CNRIP1: variants seen among roughly 807,000 people sequenced by gnomAD.
CNRIP1 encodes CB1 cannabinoid receptor-interacting protein 1.
A neutral mutation model predicts 15.2 loss-of-function variants in CNRIP1; 10 were observed. The observed-to-expected ratio is 0.66, with a 90% confidence interval of 0.41 to 1.12. CNRIP1 has a LOEUF of 1.12. Among genes scored for constraint, CNRIP1 ranks in the 50% most tolerant of loss-of-function variants. The pLI is 0.00. For synonymous variants in CNRIP1, 91 were observed against 83.2 expected (o/e 1.09, Z -0.51); for missense variants, 211 against 214.7 (o/e 0.98, Z 0.11).
chr2:68,306,337 A>G (rs62143880), intron 2 of CNRIP1, among the ~76,000 whole-genome samples: 1 of 148,170 alleles, frequency 6.7e-6, no homozygotes, highest in Non-Finnish European at 1.5e-5. Flanking sequence ...AAAAAAAAAA[A>G]GGAAAAAAAA....
chr2:68,288,066 C>T (rs527948102), downstream of CNRIP1, among the ~76,000 whole-genome samples: 6 of 132,418 alleles, frequency 4.5e-5, no homozygotes, highest in East Asian at 4.5e-4. Context: ...TGCAGCCGGC[C>T]GGCCAGCCAG....
intron 2 of CNRIP1, among the ~76,000 whole-genome samples, chr2:68,301,782 C>T (rs1329506716): frequency 6.7e-6 from 1 of 150,302 alleles, no homozygotes; most frequent in Non-Finnish European, 1.5e-5. Flanking sequence ...GTCCCAGCTA[C>T]TTGGGAGGCT....
rs1000251477 is a variant in CNRIP1 at position 68,293,766 on chromosome 2, A to T, written c.*96T>A. 5.9e-6 allele frequency: 9 copies of T among 1,526,906 alleles called. No homozygotes were observed. The African/African-American group carries it at 1.2e-4, about 21-fold the overall frequency. The allele number at this position is 1,526,906 out of a possible 1,614,324, so 94.6% of individuals were successfully genotyped here. A position where few individuals can be genotyped will look rare whatever the true frequency, so the allele number is the denominator to read the frequency against. On this transcript the variant is annotated 3_prime_UTR_variant, in exon 3 of 3. Coordinates refer to ENST00000263655, the MANE Select transcript of CNRIP1 (RefSeq NM_015463.3). ...AGGTCATTAGTACCAGATGGGGAAC[A>T]GCAATGGTGTGGCATGCCTTGTTTA...
In CNRIP1 at chr2:68,293,418, T is replaced by C; in HGVS notation, c.*444A>G. 2 of 986,658 alleles carry C rather than the reference T, an allele frequency of 2.0e-6. No individual in the cohort carries two copies. The highest frequency in any genetic ancestry group is 2.4e-6 in the Non-Finnish European group (2 of 830,678). 61.1% of individuals were successfully genotyped at this position (986,658 alleles called of 1,614,324 possible). On this transcript the variant is annotated 3_prime_UTR_variant, in exon 3 of 3. Coordinates refer to ENST00000263655, the MANE Select transcript of CNRIP1 (RefSeq NM_015463.3). ...TTGAAAGCTGGCAAACACTGCAAGT[T>C]ACATGTTACCATATTACACATGGGA...
chr2:68,305,898 A>G (rs989105341), intron 2 of CNRIP1, among the ~76,000 whole-genome samples: 6 of 151,192 alleles, frequency 4.0e-5, no homozygotes, highest in Non-Finnish European at 7.4e-5. Context: ...GGAGGCCGAG[A>G]CAGGAGAACC....
Position 68,315,249 on chromosome 2 carries a change from G to A in CNRIP1, c.330+1908C>T, listed in dbSNP as rs1672228965. ...ATACAAATAGTAAATGAATATGTCA[G>A]GATTTCAAATTAACAGTAAGTAAAA... On this transcript the variant is annotated intron_variant, in intron 2 of 2. Coordinates refer to ENST00000263655, the MANE Select transcript of CNRIP1 (RefSeq NM_015463.3). Among the ~76,000 whole-genome samples, 4 of 151,996 alleles carry A rather than the reference G, an allele frequency of 2.6e-5. No individual in the cohort carries two copies. The South Asian group carries it at 8.3e-4, about 31-fold the overall frequency.
At chr2:68,284,535 G>A (rs1182829109) in intron 2 of CNRIP1, 3 of 1,271,302 alleles carry the variant, frequency 2.4e-6, no homozygotes, top group African/African-American at 3.0e-5. Context: ...CAGTTGGGTA[G>A]GTGCAGTGAC....
intron 2 of CNRIP1, among the ~76,000 whole-genome samples, chr2:68,313,043 ATC>A (rs1672148041): frequency 1.3e-5 from 2 of 152,262 alleles, no homozygotes; most frequent in South Asian, 4.1e-4. Context: ...TCATTCTAAA[ATC>A]TATATAAAAC....
intron 2 of CNRIP1, among the ~76,000 whole-genome samples, chr2:68,302,893 C>T (rs1240118813): frequency 7.0e-6 from 1 of 143,364 alleles, no homozygotes; most frequent in Admixed American, 7.2e-5. Flanking sequence ...GTCGCCCAGG[C>T]TGGAGTGCAG....
At chr2:68,300,295 C>G (rs1485299945) in intron 2 of CNRIP1, among the ~76,000 whole-genome samples, 1 of 152,176 alleles carries the variant, frequency 6.6e-6, no homozygotes, top group African/African-American at 2.4e-5. Flanking sequence ...TTTAGCCAGT[C>G]TGGTGACTAT....
At chr2:68,307,255 C>T (rs977104234) in intron 2 of CNRIP1, among the ~76,000 whole-genome samples, 15 of 152,104 alleles carry the variant, frequency 9.9e-5, no homozygotes, top group African/African-American at 3.4e-4. Context: ...TGTCTAACTA[C>T]ATATTCTTTG....
chr2:68,313,647 G>C (rs1383555057), intron 2 of CNRIP1, among the ~76,000 whole-genome samples: 1 of 152,104 alleles, frequency 6.6e-6, no homozygotes, highest in Non-Finnish European at 1.5e-5. Context: ...GGTTAGGTTG[G>C]GAGGAATTAA....
In CNRIP1 at chr2:68,293,049, T is replaced by C; in HGVS notation, c.*813A>G. The stretch of plus-strand genomic sequence containing the variant: ...TTTATTAAGAAATATCAAAAGTTGA[T>C]TACAGGTCCATATGCAGTTTTACAA... On this transcript the variant is annotated 3_prime_UTR_variant, in exon 3 of 3. Coordinates refer to ENST00000263655, the MANE Select transcript of CNRIP1 (RefSeq NM_015463.3). 1.0e-6 allele frequency: 1 copy of C among 985,386 alleles called. No individual in the cohort carries two copies. Among genetic ancestry groups the C allele is most frequent in the African/African-American group, 1.7e-5 (1 of 57,356 alleles). 61.0% of individuals were successfully genotyped at this position (985,386 alleles called of 1,614,324 possible). A position where few individuals can be genotyped will look rare whatever the true frequency, so the allele number is the denominator to read the frequency against.
At chr2:68,299,439 T>G (rs1015902222) in intron 2 of CNRIP1, among the ~76,000 whole-genome samples, 2 of 152,144 alleles carry the variant, frequency 1.3e-5, no homozygotes, top group Non-Finnish European at 2.9e-5. Flanking sequence ...ATGGGTTCAG[T>G]GCCCTCATAA....
rs540016779 is a variant in CNRIP1, at chr2:68,284,605, A to G, written c.331-121T>C. On this transcript the variant is annotated intron_variant, in intron 2 of 2. Coordinates refer to the CNRIP1 transcript ENST00000409559. ...GGCAGGCAGATCTCTTGAGGTCAGG[A>G]GTTCGAGACCAGCTGACCAATATGG... 5.6e-4 allele frequency: 301 copies of G among 538,106 alleles called. 8 individuals carry two copies. The South Asian group carries it at 7.4e-3, about 13-fold the overall frequency. The allele number at this position is 538,106 out of a possible 1,614,324, so 33.3% of individuals were successfully genotyped here. A position where few individuals can be genotyped will look rare whatever the true frequency, so the allele number is the denominator to read the frequency against.
intron 2 of CNRIP1, among the ~76,000 whole-genome samples, chr2:68,305,274 A>G (rs200319962): frequency 0.1 from 12,300 of 119,538 alleles, 768 homozygotes; most frequent in East Asian, 0.14. Flanking sequence ...ATATATATAT[A>G]TGTGTGTGTG....
chr2:68,284,416 T>C, exon 3 of CNRIP1: 2 of 1,494,106 alleles, frequency 1.3e-6, no homozygotes, highest in African/African-American at 1.4e-5. Context: ...TGGCACACAT[T>C]GAAGAATGTG....
intron 2 of CNRIP1, among the ~76,000 whole-genome samples, chr2:68,302,761 T>G (rs963726889): frequency 1.3e-5 from 2 of 152,070 alleles, no homozygotes; most frequent in Non-Finnish European, 2.9e-5. Flanking sequence ...CAGTTCACTT[T>G]GAAGTGTGAT....
intron 2 of CNRIP1, among the ~76,000 whole-genome samples, chr2:68,287,524 C>T (rs1261066970): frequency 6.6e-6 from 1 of 152,218 alleles, no homozygotes; most frequent in Non-Finnish European, 1.5e-5. Flanking sequence ...GTTTATTTCT[C>T]ACTTATGCTA....
Sources: gnomAD v4.1 joint callset for allele counts (sites outside exome capture counted in the v4.1 genomes callset) on GRCh38, gnomAD v4.1.1 for gene constraint, MANE v1.5 for transcripts, NCBI Gene and HGNC (gene_info 2026-07-23, HGNC 2026-07-21) for gene names.